Variants in CACNA1C observed in about 807,000 individuals in gnomAD.
The protein encoded by CACNA1C is voltage-dependent L-type calcium channel subunit alpha-1C.
Under a neutral mutation model 229.0 loss-of-function variants are expected in CACNA1C, and 30 were observed. That is an observed-to-expected ratio of 0.13 (90% CI 0.10 to 0.18). CACNA1C has a LOEUF of 0.18. CACNA1C is among the 10% of genes least tolerant of loss of function. The pLI, the probability that CACNA1C is intolerant of heterozygous loss-of-function variation, is 1.00. For missense variants in CACNA1C, 1,658 were observed against 2,845.0 expected (o/e 0.58, Z 9.49); for synonymous variants, 1,114 against 1,132.5 (o/e 0.98, Z 0.33).
intron 3 of CACNA1C, among the ~76,000 whole-genome samples, chr12:2,136,601 G>A (rs2093528869): frequency 6.6e-6 from 1 of 151,326 alleles, no homozygotes; most frequent in Non-Finnish European, 1.5e-5. Context: ...AGGACCAAGG[G>A]AGGAGCAACA....
intron 3 of CACNA1C, among the ~76,000 whole-genome samples, chr12:2,135,148 T>C (rs1474629041): frequency 6.8e-5 from 10 of 147,708 alleles, no homozygotes. Flanking sequence ...GCCTTGGTTT[T>C]CAGCTCCATC....
At chr12:2,036,401 C>T (rs1295212292) in intron 1 of CACNA1C, among the ~76,000 whole-genome samples, 2 of 152,154 alleles carry the variant, frequency 1.3e-5, no homozygotes, top group Non-Finnish European at 2.9e-5. Flanking sequence ...GCCTCTAGCT[C>T]TGGAGAGCTC....
At chr12:2,191,366 C>A (rs2097205455) in intron 3 of CACNA1C, among the ~76,000 whole-genome samples, 1 of 152,162 alleles carries the variant, frequency 6.6e-6, no homozygotes, top group African/African-American at 2.4e-5. Context: ...CTTCCCAGGC[C>A]TTCTCCAGCG....
chr12:2,010,373 G>A (rs919797507), intron 1 of CACNA1C, among the ~76,000 whole-genome samples: 2 of 152,148 alleles, frequency 1.3e-5, no homozygotes, highest in African/African-American at 2.4e-5. Context: ...GAAGACTGGG[G>A]AATGTGGGGA....
rs577632519 is a variant in CACNA1C at position 2,336,040 on chromosome 12, A to AG, written c.478-112936_478-112935insG. On this transcript the variant is annotated intron_variant, in intron 3 of 46. Coordinates refer to ENST00000399655, the MANE Select transcript of CACNA1C (RefSeq NM_000719.7). ...ACAACTCCAAAAAAAAAAAAAAAAA[A>AG]CAAACCCTAAGCATCCTCTTTGTTC... Among the ~76,000 whole-genome samples, 8 of 148,496 alleles carry AG rather than the reference A, an allele frequency of 5.4e-5. 1 individual carries two copies. The South Asian group carries it at 1.7e-3, about 32-fold the overall frequency.
intron 9 of CACNA1C, among the ~76,000 whole-genome samples, chr12:2,534,043 G>C (rs1415328706): frequency 2.0e-5 from 3 of 152,166 alleles, no homozygotes; most frequent in Non-Finnish European, 4.4e-5. Flanking sequence ...GGTCAAGGAG[G>C]CTTCATGGAG....
At chr12:2,391,325 G>A (rs904577563) in intron 3 of CACNA1C, among the ~76,000 whole-genome samples, 1 of 152,148 alleles carries the variant, frequency 6.6e-6, no homozygotes, top group Non-Finnish European at 1.5e-5. Context: ...CTGACTCCTC[G>A]GTGCACTGAT....
intron 3 of CACNA1C, among the ~76,000 whole-genome samples, chr12:2,276,916 AG>A (rs1405220480): frequency 6.6e-6 from 1 of 152,112 alleles, no homozygotes; most frequent in Non-Finnish European, 1.5e-5. Flanking sequence ...AGACCAGAGA[AG>A]GTCTCAGACA....
At chr12:2,463,283 T>C (rs183662939) in intron 5 of CACNA1C, among the ~76,000 whole-genome samples, 78 of 152,290 alleles carry the variant, frequency 5.1e-4, no homozygotes, top group Middle Eastern at 6.8e-3. Flanking sequence ...GTTATGGAAA[T>C]AGATGATTGC....
rs772061658 is a variant in CACNA1C, at chr12:2,348,164, A to G, written c.478-100812A>G. ...GAGTGGGAGCGTGGGGCTAGCTGCC[A>G]GTGGGATGGCCCCAGCCGGAGGAGC... On this transcript the variant is annotated intron_variant, in intron 3 of 46. Coordinates refer to ENST00000399655, the MANE Select transcript of CACNA1C (RefSeq NM_000719.7). The surrounding 1 kb of genome is among the most constrained non-coding windows in gnomAD (Gnocchi z 4.7). Among the ~76,000 whole-genome samples the G allele has an allele frequency of 7.9e-5, 12 of 152,178 alleles. No homozygotes were observed. The highest frequency in any genetic ancestry group is 1.8e-4 in the Non-Finnish European group (12 of 68,012).
At chr12:2,093,767 T>C (rs1260130065) in intron 1 of CACNA1C, among the ~76,000 whole-genome samples, 1 of 152,162 alleles carries the variant, frequency 6.6e-6, no homozygotes, top group Non-Finnish European at 1.5e-5. Context: ...CTACCCTGAG[T>C]GTGAGCCCTA....
At chr12:2,020,480 T>C (rs547828536) in intron 1 of CACNA1C, 2 of 152,248 alleles carry the variant, frequency 1.3e-5, no homozygotes, top group African/African-American at 4.8e-5. Context: ...TAAGGCTGCA[T>C]GCATATAACA....
rs1179188635 is a variant in CACNA1C, at chr12:2,666,283, G to A, written c.4527-403G>A. On this transcript the variant is annotated intron_variant, in intron 36 of 46. Coordinates refer to ENST00000399655, the MANE Select transcript of CACNA1C (RefSeq NM_000719.7). The surrounding 1 kb of genome is among the most constrained non-coding windows in gnomAD (Gnocchi z 5.3). Reference sequence around the variant, plus strand: ...GAATAACTAGTAAGTGCTCAAGTTAGGATAGGTAGGGCCGGGGAAAATCTT... The same window carrying A: ...GAATAACTAGTAAGTGCTCAAGTTAAGATAGGTAGGGCCGGGGAAAATCTT... 6.6e-6 allele frequency among the ~76,000 whole-genome samples: 1 copy of A among 151,834 alleles called. No individual in the cohort carries two copies. The highest frequency in any genetic ancestry group is 1.9e-4 in the East Asian group (1 of 5,152).
At chr12:2,428,269 T>G (rs1198974008) in intron 3 of CACNA1C, among the ~76,000 whole-genome samples, 1 of 152,188 alleles carries the variant, frequency 6.6e-6, no homozygotes, top group African/African-American at 2.4e-5. Flanking sequence ...TAACCAGGTC[T>G]AATGGGCACT....
intron 1 of CACNA1C, among the ~76,000 whole-genome samples, chr12:2,104,495 A>G (rs1460425712): frequency 6.6e-6 from 1 of 152,208 alleles, no homozygotes; most frequent in African/African-American, 2.4e-5. Context: ...TTTTCTAAAT[A>G]TATAATCATG....
intron 4 of CACNA1C, among the ~76,000 whole-genome samples, chr12:2,454,573 G>A (rs1032517421): frequency 3.9e-5 from 6 of 152,102 alleles, no homozygotes; most frequent in African/African-American, 9.7e-5. Flanking sequence ...TGCACACCTG[G>A]AAAAACACCA....
At chr12:2,031,380 G>C (rs2154492009) in intron 1 of CACNA1C, among the ~76,000 whole-genome samples, 1 of 152,338 alleles carries the variant, frequency 6.6e-6, no homozygotes, top group South Asian at 2.1e-4. Flanking sequence ...TGGGAGGCCA[G>C]ATTCATTGGC....
rs1249164478 is a variant in CACNA1C, at chr12:2,666,184, A to G, written c.4526+476A>G. 9.7e-6 allele frequency among the ~76,000 whole-genome samples: 1 copy of G among 102,742 alleles called. No homozygotes were observed. Among genetic ancestry groups the G allele is most frequent in the Non-Finnish European group, 2.5e-5 (1 of 39,808 alleles). The allele number at this position is 102,742 out of a possible 152,430, so 67.4% of individuals were successfully genotyped here. On this transcript the variant is annotated intron_variant, in intron 36 of 46. Coordinates refer to ENST00000399655, the MANE Select transcript of CACNA1C (RefSeq NM_000719.7). The surrounding 1 kb of genome is among the most constrained non-coding windows in gnomAD (Gnocchi z 5.3). Reference sequence around the variant, plus strand: ...AGCCTGGGCGACAGAGCAAGACTCCATCTAAAAAAGAAAAAGAAAATAATA... The same window carrying G: ...AGCCTGGGCGACAGAGCAAGACTCCGTCTAAAAAAGAAAAAGAAAATAATA...
chr12:2,014,487 G>A (rs2044989472), intron 1 of CACNA1C, among the ~76,000 whole-genome samples: 1 of 152,128 alleles, frequency 6.6e-6, no homozygotes. Context: ...GCTAGGAGCT[G>A]GGAATATTGC....
Sources: gnomAD v4.1 joint callset for allele counts (sites outside exome capture counted in the v4.1 genomes callset) on GRCh38, gnomAD v4.1.1 for gene constraint, Gnocchi (gnomAD v3.1) non-coding constraint, MANE v1.5 for transcripts, NCBI Gene and HGNC (gene_info 2026-07-23, HGNC 2026-07-21) for gene names.